KCTD15: variants seen among roughly 807,000 people sequenced by gnomAD.
KCTD15 encodes the protein potassium channel tetramerization domain containing 15.
KCTD15 carries 11 observed loss-of-function variants against 27.2 expected under a neutral mutation model. The observed-to-expected ratio is 0.41, with a 90% CI of 0.25 to 0.67. The LOEUF (loss-of-function observed/expected upper bound fraction) is 0.67, where lower values mean the gene tolerates loss of function less well. KCTD15 is among the 30% of genes least tolerant of loss of function. KCTD15 has a pLI of 0.35. For missense variants in KCTD15, 350 were observed against 409.3 expected, an observed-to-expected ratio of 0.86 and a Z score of 1.25; for synonymous variants, 163 against 176.0, an observed-to-expected ratio of 0.93 and a Z score of 0.58.
intron 4 of KCTD15, among the ~76,000 whole-genome samples, chr19:33,806,123 G>A (rs1975704581): frequency 6.6e-6 from 1 of 152,202 alleles, no homozygotes; most frequent in Admixed American, 6.5e-5. Flanking sequence ...TGCCTGTGTT[G>A]TGGCATGTGT....
At chr19:33,799,976 G>A (rs1975473907) in intron 2 of KCTD15, among the ~76,000 whole-genome samples, 1 of 152,274 alleles carries the variant, frequency 6.6e-6, no homozygotes, top group East Asian at 1.9e-4. Context: ...GAGGTCCTAG[G>A]TTCCCTGGCC....
chr19:33,808,303 A>C (rs761836032), intron 5 of KCTD15, among the ~76,000 whole-genome samples: 5 of 152,224 alleles, frequency 3.3e-5, no homozygotes, highest in Admixed American at 6.5e-5. Flanking sequence ...AAAACAGTGA[A>C]ACACACACAC....
intron 4 of KCTD15, among the ~76,000 whole-genome samples, chr19:33,802,048 G>A (rs762528893): frequency 6.6e-6 from 1 of 152,200 alleles, no homozygotes; most frequent in African/African-American, 2.4e-5. Context: ...TTGGGCCTGC[G>A]AGAGGTTTGG....
chr19:33,798,264 C>T (rs1404817088), intron 1 of KCTD15: 1 of 132,736 alleles, frequency 7.5e-6, no homozygotes, highest in Non-Finnish European at 1.6e-5. Flanking sequence ...AAAATAACAG[C>T]TTAGCAAAGA....
At position 33,813,196 on chromosome 19, in the gene KCTD15, A is replaced by G. The variant is rs887960940; in HGVS notation, c.*248A>G. On this transcript the variant is annotated 3_prime_UTR_variant, in exon 7 of 7. Transcript: ENST00000683859. ...TGGGATCTCTGCTGCCAGCTCTCCCAGCCCCTCAGCTTCGCAGCCTGGCGC... is the reference window on the plus strand; with the variant it reads ...TGGGATCTCTGCTGCCAGCTCTCCCGGCCCCTCAGCTTCGCAGCCTGGCGC... The G allele has an allele frequency of 2.1e-5, 13 of 628,032 alleles. No homozygotes were observed. The highest frequency in any genetic ancestry group is 2.0e-4 in the African/African-American group (11 of 55,114). 38.9% of individuals were successfully genotyped at this position (628,032 alleles called of 1,614,324 possible).
At chr19:33,799,562 C>T (rs908142054) in intron 2 of KCTD15, 16 of 152,298 alleles carry the variant, frequency 1.1e-4, no homozygotes, top group African/African-American at 3.9e-4. Context: ...CTGGGTGTGG[C>T]TTCCAGGGAC....
At position 33,800,476 on chromosome 19, in the gene KCTD15, C is replaced by CCTCACCGCATCTAG; in HGVS notation, c.23_24insTCACCGCATCTAGC (p.Ser9HisfsTer4). The CCTCACCGCATCTAG allele has an allele frequency of 1.2e-6, 2 of 1,605,670 alleles. No homozygotes were observed. The highest frequency in any genetic ancestry group is 1.7e-6 in the Non-Finnish European group (2 of 1,177,332). On this transcript the variant is annotated stop_gained and frameshift_variant, in exon 3 of 7. Coordinates refer to ENST00000683859, the MANE Select transcript of KCTD15 (RefSeq NM_001129994.2). LOFTEE classifies it high-confidence loss of function. ...CTAGATGCCTCACCGCAAGGAGCGG[C>CCTCACCGCATCTAG]CGAGCGGGTCCTCGCTTCACACACA...
chr19:33,814,923 C>G lies in KCTD15; in HGVS notation c.*1975C>G, dbSNP rs1275759409. ...AGCAGACGCCATCCCACTGTACAAT[C>G]GAATTTGCTGGACAAACTTGATAGG... On this transcript the variant is annotated 3_prime_UTR_variant, in exon 7 of 7. Transcript: ENST00000683859. The G allele has an allele frequency of 6.6e-6, 1 of 152,214 alleles. No homozygotes were observed. Among genetic ancestry groups the G allele is most frequent in the African/African-American group, 2.4e-5 (1 of 41,448 alleles). 9.4% of individuals were successfully genotyped at this position (152,214 alleles called of 1,614,324 possible).
At chr19:33,812,535 G>C in intron 6 of KCTD15, 2 of 1,253,642 alleles carry the variant, frequency 1.6e-6, no homozygotes, top group Non-Finnish European at 2.0e-6. Flanking sequence ...GAGGGCAGCA[G>C]GATGGTGGCC....
chr19:33,803,098 G>A (rs1188216318), intron 4 of KCTD15, among the ~76,000 whole-genome samples: 1 of 152,242 alleles, frequency 6.6e-6, no homozygotes, highest in Admixed American at 6.5e-5. Context: ...CCAAGGGGTG[G>A]CAGTCTATGT....
intron 4 of KCTD15, among the ~76,000 whole-genome samples, chr19:33,803,045 C>T (rs955661828): frequency 3.9e-5 from 6 of 152,236 alleles, no homozygotes; most frequent in African/African-American, 1.4e-4. Flanking sequence ...AGCTAGGGCC[C>T]CTGTGGCCCT....
In KCTD15 at chr19:33,813,270, G is replaced by C; in HGVS notation, c.*322G>C. 1 of 596,706 alleles carries C rather than the reference G, an allele frequency of 1.7e-6. No homozygotes were observed. Among genetic ancestry groups the C allele is most frequent in the Non-Finnish European group, 3.1e-6 (1 of 317,926 alleles). 37.0% of individuals were successfully genotyped at this position (596,706 alleles called of 1,614,324 possible). On this transcript the variant is annotated 3_prime_UTR_variant, in exon 7 of 7. Transcript: ENST00000683859. ...CTGTTGGGGCGGGGTTGGAAGAGCC[G>C]TCTGCAGCTACTTCAGAGGAGCTGT...
At chr19:33,811,768 C>CTTTT in intron 6 of KCTD15, 1 of 1,430,822 alleles carries the variant, frequency 7.0e-7, no homozygotes, top group African/African-American at 1.5e-5. Context: ...TCGATCTGTA[C>CTTTT]TTTTTTTTTT....
chr19:33,811,238 T>C lies in KCTD15; in HGVS notation c.388-9T>C. On this transcript the variant is annotated splice_polypyrimidine_tract_variant and intron_variant, in intron 5 of 6. Transcript: ENST00000683859. ...CACCCACATCAACACCCTGTGCGCC[T>C]GTCCCCAGGACTTCAGTCTGCTGTA... 8.2e-7 allele frequency: 1 copy of C among 1,219,684 alleles called. No individual in the cohort carries two copies. The highest frequency in any genetic ancestry group is 1.7e-5 in the African/African-American group (1 of 58,664). 75.6% of individuals were successfully genotyped at this position (1,219,684 alleles called of 1,614,324 possible). A position where few individuals can be genotyped will look rare whatever the true frequency, so the allele number is the denominator to read the frequency against.
At chr19:33,811,695 G>A (rs1179770712) in intron 6 of KCTD15, 143 bp downstream of exon 6, 4 of 1,522,174 alleles carry the variant, frequency 2.6e-6, no homozygotes, top group South Asian at 1.2e-5. Context: ...ACAATGTGTC[G>A]ATGCATAATT....
intron 5 of KCTD15, among the ~76,000 whole-genome samples, chr19:33,811,032 C>T (rs1324063241): frequency 2.6e-5 from 4 of 152,154 alleles, no homozygotes; most frequent in East Asian, 1.9e-4. Flanking sequence ...TGCACATCAG[C>T]GGCTGCCCTT....
At chr19:33,801,034 T>A in intron 3 of KCTD15, 133 bp from the exon 4 acceptor site, 1 of 789,708 alleles carries the variant, frequency 1.3e-6, no homozygotes, top group Non-Finnish European at 2.0e-6. Context: ...GAATATATGA[T>A]CAGGCACGGG....
rs1458800232 is a variant in KCTD15 at position 33,812,139 on chromosome 19, A to C, written c.693+587A>C. ...TTGCAGGGAAGAGGGCCCCCTGTGC[A>C]CGCATTCCACAGCCTGTCGGTCAGA... is the stretch of plus-strand genomic sequence containing the variant. On this transcript the variant is annotated intron_variant, in intron 6 of 6. Transcript: ENST00000683859. 5 of 1,241,870 alleles carry C rather than the reference A, an allele frequency of 4.0e-6. No homozygotes were observed. The African/African-American group carries it at 6.2e-5, about 15-fold the overall frequency. 76.9% of individuals were successfully genotyped at this position (1,241,870 alleles called of 1,614,324 possible). A position where few individuals can be genotyped will look rare whatever the true frequency, so the allele number is the denominator to read the frequency against.
chr19:33,798,965 C>T (rs914519046), intron 2 of KCTD15, among the ~76,000 whole-genome samples, 199 bp downstream of exon 2: 1 of 152,202 alleles, frequency 6.6e-6, no homozygotes, highest in Non-Finnish European at 1.5e-5. Context: ...TTATCCTCAG[C>T]GCGTCTTCCC....
Sources: allele counts gnomAD v4.1 joint callset (sites outside exome capture counted in the v4.1 genomes callset), GRCh38; gene constraint gnomAD v4.1.1; transcripts MANE v1.5; gene names NCBI Gene and HGNC (gene_info 2026-07-23, HGNC 2026-07-21).